The following PAX5 variants were observed in gnomAD, a reference collection of about 807,000 sequenced individuals.
PAX5 encodes the protein paired box 5, also known as paired box protein Pax-5.
PAX5 carries 9 observed loss-of-function variants against 43.7 expected under a neutral mutation model. That is an observed-to-expected ratio of 0.21 (90% CI 0.12 to 0.36). The LOEUF is 0.36. Among genes scored for constraint, PAX5 ranks in the 10% least tolerant of loss-of-function variants. The pLI is 1.00. For missense variants in PAX5, 383 were observed against 532.7 expected, an observed-to-expected ratio of 0.72 and a Z score of 2.77; for synonymous variants, 228 against 214.3, an observed-to-expected ratio of 1.06 and a Z score of -0.56.
At chr9:36,900,376 C>T (rs528315404) in intron 7 of PAX5, among the ~76,000 whole-genome samples, 133 of 152,324 alleles carry the variant, frequency 8.7e-4, no homozygotes, top group Non-Finnish European at 4.1e-4. Context: ...CGTCCACAGG[C>T]GACAGCATGG....
intron 3 of PAX5, among the ~76,000 whole-genome samples, chr9:37,008,268 G>A (rs141008360): frequency 3.7e-4 from 56 of 152,318 alleles, no homozygotes; most frequent in Non-Finnish European, 5.9e-4. Context: ...TAGCCAGGCT[G>A]GTCTCCAACT....
intron 8 of PAX5, among the ~76,000 whole-genome samples, chr9:36,862,545 C>T (rs868363248): frequency 2.0e-5 from 3 of 152,086 alleles, no homozygotes; most frequent in African/African-American, 4.8e-5. Context: ...GAGGCTGGCA[C>T]GTGGATCCAT....
rs924570758 is a variant in PAX5 at position 36,882,607 on chromosome 9, C to T, written c.911-502G>A. Among the ~76,000 whole-genome samples, 3 of 152,216 alleles carry T rather than the reference C, an allele frequency of 2.0e-5. No individual in the cohort carries two copies. The highest frequency in any genetic ancestry group is 2.9e-5 in the Non-Finnish European group (2 of 68,038). ...TCCCTTCTCCTCTCCTCAACAGCCC[C>T]CCACAGTGAACAGGGGGCATATCTG... On this transcript the variant is annotated intron_variant, in intron 7 of 9. Transcript: ENST00000358127. The surrounding 1 kb of genome is among the most constrained non-coding windows in gnomAD (Gnocchi z 4.4).
At chr9:36,888,601 T>G (rs1391057504) in intron 7 of PAX5, among the ~76,000 whole-genome samples, 2 of 152,190 alleles carry the variant, frequency 1.3e-5, no homozygotes, top group African/African-American at 4.8e-5. Flanking sequence ...GATTCGTGAT[T>G]GCCTAGGGCT....
intron 6 of PAX5, among the ~76,000 whole-genome samples, chr9:36,961,817 C>T (rs933784431): frequency 3.9e-5 from 6 of 152,204 alleles, no homozygotes; most frequent in South Asian, 2.1e-4. Context: ...CACACACGCA[C>T]GCACATACAC....
At chr9:36,986,048 G>A (rs796510285) in intron 5 of PAX5, among the ~76,000 whole-genome samples, 10 of 152,012 alleles carry the variant, frequency 6.6e-5, no homozygotes, top group African/African-American at 1.2e-4. Context: ...GCCGGGTCCC[G>A]ACGCCAGCTC....
At chr9:36,873,145 C>T (rs974867552) in intron 8 of PAX5, among the ~76,000 whole-genome samples, 1 of 152,242 alleles carries the variant, frequency 6.6e-6, no homozygotes, top group African/African-American at 2.4e-5. Context: ...CCCACTCCAC[C>T]CCATTGCCTC....
intron 5 of PAX5, among the ~76,000 whole-genome samples, chr9:36,974,349 CT>C (rs543554308): frequency 4.7e-4 from 71 of 152,334 alleles, no homozygotes; most frequent in African/African-American, 1.6e-3. Context: ...CCCACACCCC[CT>C]GTTCTCACCC....
chr9:36,858,299 T>G (rs1196562697), intron 8 of PAX5, among the ~76,000 whole-genome samples: 1 of 152,184 alleles, frequency 6.6e-6, no homozygotes, highest in East Asian at 1.9e-4. Flanking sequence ...TTTCAGGATG[T>G]TTTTCTCATA....
At chr9:36,902,142 G>A (rs531022356) in intron 7 of PAX5, among the ~76,000 whole-genome samples, 1 of 152,138 alleles carries the variant, frequency 6.6e-6, no homozygotes, top group South Asian at 2.1e-4. Context: ...GTGAGAGAAA[G>A]AAGAAAATCC....
chr9:36,943,529 TACACACAC>T (rs1554668821), intron 6 of PAX5, among the ~76,000 whole-genome samples: 8 of 146,018 alleles, frequency 5.5e-5, no homozygotes, highest in African/African-American at 1.3e-4. Context: ...TAGTTCAACA[TACACACAC>T]ACACACACAC....
At chr9:36,843,645 C>T (rs541270046) in intron 9 of PAX5, among the ~76,000 whole-genome samples, 2 of 152,358 alleles carry the variant, frequency 1.3e-5, no homozygotes, top group African/African-American at 4.8e-5. Flanking sequence ...CAGTAGGAGG[C>T]CTGCTTCTTT....
chr9:36,925,163 G>A (rs1344106915), intron 6 of PAX5, among the ~76,000 whole-genome samples: 1 of 152,138 alleles, frequency 6.6e-6, no homozygotes. Flanking sequence ...ATTACTTCCT[G>A]GGCAGCTAAA....
intron 7 of PAX5, 140 bp downstream of exon 7, chr9:36,923,214 AC>A: frequency 1.0e-6 from 1 of 974,720 alleles, no homozygotes; most frequent in Non-Finnish European, 1.5e-6. Flanking sequence ...CCAGCACCTG[AC>A]CTGTTCCCAG....
rs1836307162 is a variant in PAX5 at position 36,985,413 on chromosome 9, G to A, written c.604+17235C>T. On this transcript the variant is annotated intron_variant, in intron 5 of 9. Transcript: ENST00000358127. ...AAACAGAACTGGAAAAGGGGACTCT[G>A]GTGTCTGCAACCAGAGGGAAAGCAA... Among the ~76,000 whole-genome samples the A allele has an allele frequency of 2.0e-5, 3 of 152,336 alleles. No individual in the cohort carries two copies. In the South Asian group the frequency reaches 6.2e-4, roughly 32 times the overall value.
chr9:36,957,945 G>A (rs1468192432), intron 6 of PAX5, among the ~76,000 whole-genome samples: 3 of 152,130 alleles, frequency 2.0e-5, no homozygotes, highest in African/African-American at 4.8e-5. Context: ...CACCTAAGGA[G>A]GACATTTTCC....
intron 5 of PAX5, among the ~76,000 whole-genome samples, chr9:36,986,683 G>A (rs1031923623): frequency 4.7e-4 from 72 of 152,194 alleles, no homozygotes; most frequent in African/African-American, 1.7e-3. Flanking sequence ...CCGGTGGGCG[G>A]GAGCTAGGCC....
intron 5 of PAX5, among the ~76,000 whole-genome samples, chr9:36,984,342 A>G (rs1020686503): frequency 6.6e-6 from 1 of 151,068 alleles, no homozygotes; most frequent in African/African-American, 2.4e-5. Flanking sequence ...TAGAGCAGTT[A>G]TATGCACAGG....
At chr9:36,956,267 C>T (rs1382828775) in intron 6 of PAX5, among the ~76,000 whole-genome samples, 1 of 152,272 alleles carries the variant, frequency 6.6e-6, no homozygotes, top group East Asian at 1.9e-4. Flanking sequence ...AAAGAACAAC[C>T]GAGCAAGGTG....
Sources: gnomAD v4.1 joint callset for allele counts (sites outside exome capture counted in the v4.1 genomes callset) on GRCh38, gnomAD v4.1.1 for gene constraint, Gnocchi (gnomAD v3.1) non-coding constraint, MANE v1.5 for transcripts, NCBI Gene and HGNC (gene_info 2026-07-23, HGNC 2026-07-21) for gene names.